SERINC5: variants seen among roughly 807,000 people sequenced by gnomAD.
The protein encoded by SERINC5 is serine incorporator 5.
Under a neutral mutation model 63.1 loss-of-function variants are expected in SERINC5, and 41 were observed. That is an observed-to-expected ratio of 0.65 (90% CI 0.51 to 0.84). The LOEUF is 0.84. Among genes scored for constraint, SERINC5 ranks in the 40% least tolerant of loss-of-function variants. SERINC5 has a pLI of 0.00. For synonymous variants in SERINC5, 222 were observed against 215.2 expected (o/e 1.03, Z -0.28); for missense variants, 523 against 573.0 (o/e 0.91, Z 0.89).
intron 2 of SERINC5, among the ~76,000 whole-genome samples, chr5:80,188,330 A>G (rs573868417): frequency 5.9e-5 from 9 of 151,652 alleles, no homozygotes; most frequent in Non-Finnish European, 1.2e-4. Flanking sequence ...ATTATTCTCA[A>G]TTTTATTTGC....
chr5:80,224,063 G>A (rs1751048914), intron 1 of SERINC5, among the ~76,000 whole-genome samples: 1 of 146,986 alleles, frequency 6.8e-6, no homozygotes, highest in South Asian at 2.1e-4. Flanking sequence ...AACCTGGGAG[G>A]CAGAGGTTGC....
chr5:80,220,140 G>A (rs565510042), intron 1 of SERINC5, among the ~76,000 whole-genome samples: 13 of 152,128 alleles, frequency 8.5e-5, no homozygotes, highest in South Asian at 8.3e-4. Context: ...ACTCAGAGGC[G>A]GAGGTTGCAG....
In SERINC5 at chr5:80,197,308, T is replaced by TGA. The variant is rs34195156; in HGVS notation, c.195+5576_195+5577dup. On this transcript the variant is annotated intron_variant, in intron 2 of 11. Transcript: ENST00000507668. ...GAGAGACAGAGCAAGACTCCATCTG[T>TGA]GAGAGAGAGAGAGAGAGAGAGAGAG... Among the ~76,000 whole-genome samples, 955 of 136,434 alleles carry TGA rather than the reference T, an allele frequency of 7.0e-3. 2 individuals are homozygous for TGA. Among genetic ancestry groups the TGA allele is most frequent in the African/African-American group, 0.012 (442 of 36,340 alleles). The allele number at this position is 136,434 out of a possible 152,430, so 89.5% of individuals were successfully genotyped here.
intron 2 of SERINC5, among the ~76,000 whole-genome samples, chr5:80,184,062 G>C (rs538887050): frequency 6.6e-6 from 1 of 152,272 alleles, no homozygotes; most frequent in Non-Finnish European, 1.5e-5. Flanking sequence ...GAATGTTTCA[G>C]AGAGTCTAAC....
At chr5:80,148,590 C>A (rs1324777400) in intron 9 of SERINC5, among the ~76,000 whole-genome samples, 2 of 151,896 alleles carry the variant, frequency 1.3e-5, no homozygotes, top group Non-Finnish European at 2.9e-5. Context: ...ACTGCTTAAG[C>A]CCATGAGTTT....
intron 2 of SERINC5, among the ~76,000 whole-genome samples, chr5:80,194,241 A>G (rs987315167): frequency 2.6e-5 from 4 of 151,794 alleles, no homozygotes; most frequent in East Asian, 3.8e-4. Flanking sequence ...TTGTTCTGAC[A>G]CAAAAGCATA....
chr5:80,164,331 G>GT (rs926539176), intron 7 of SERINC5, among the ~76,000 whole-genome samples: 3 of 138,028 alleles, frequency 2.2e-5, no homozygotes, highest in Non-Finnish European at 3.1e-5. Flanking sequence ...GTTCTCATGG[G>GT]TTTTTTTGGG....
intron 2 of SERINC5, among the ~76,000 whole-genome samples, chr5:80,200,426 C>T (rs1478612752): frequency 1.4e-4 from 21 of 151,078 alleles, no homozygotes; most frequent in Non-Finnish European, 2.9e-4. Context: ...GCAGAGCTTG[C>T]AGTGAGCCGA....
chr5:80,162,085 A>G (rs1038781978), intron 7 of SERINC5, among the ~76,000 whole-genome samples: 4 of 152,200 alleles, frequency 2.6e-5, no homozygotes, highest in Middle Eastern at 3.2e-3. Context: ...TACAAATATC[A>G]TGCTGTTTTG....
rs548223166 is a variant in SERINC5, at chr5:80,237,550, G to T, written c.27+18346C>A. Among the ~76,000 whole-genome samples the T allele has an allele frequency of 3.3e-5, 5 of 151,130 alleles. No individual in the cohort carries two copies. In the East Asian group the frequency reaches 1.0e-3, roughly 30 times the overall value. ...GGGTTTCACTATGTTGCCCAGGCTG[G>T]TATCGAATTCTTGGGCTCAAGTAAT... On this transcript the variant is annotated intron_variant, in intron 1 of 11. Coordinates refer to ENST00000507668, the MANE Select transcript of SERINC5 (RefSeq NM_001174072.3).
chr5:80,242,780 G>A (rs111789063), intron 1 of SERINC5, among the ~76,000 whole-genome samples: 19,211 of 151,842 alleles, frequency 0.13, 1,327 homozygotes, highest in Middle Eastern at 0.2. Context: ...AAAAGTAACC[G>A]GGCGTGGTGA....
Position 80,138,849 on chromosome 5 carries a change from C to G in SERINC5, c.*4814G>C, listed in dbSNP as rs1204241643. ...CTCTGCAAAACAACTAACTTGAGTA[C>G]TTTAATTATATATGTATCTAGCAGA... is the stretch of plus-strand genomic sequence containing the variant. On this transcript the variant is annotated 3_prime_UTR_variant, in exon 12 of 12. Coordinates refer to ENST00000507668, the MANE Select transcript of SERINC5 (RefSeq NM_001174072.3). The G allele has an allele frequency of 5.1e-6, 5 of 981,784 alleles. No homozygotes were observed. Among genetic ancestry groups the G allele is most frequent in the Non-Finnish European group, 6.0e-6 (5 of 826,838 alleles). The allele number at this position is 981,784 out of a possible 1,614,324, so 60.8% of individuals were successfully genotyped here.
In SERINC5 at chr5:80,229,640, G is replaced by A. The variant is rs536228484; in HGVS notation, c.27+26256C>T. On this transcript the variant is annotated intron_variant, in intron 1 of 11. Transcript: ENST00000507668. ...TTACAGGAACTAATTAAAAAGAAAA[G>A]GAAAAAACAAAACACAGACCTGTTC... Among the ~76,000 whole-genome samples, 649 of 105,764 alleles carry A rather than the reference G, an allele frequency of 6.1e-3. 5 individuals carry two copies. Among genetic ancestry groups the A allele is most frequent in the Non-Finnish European group, 5.7e-3 (308 of 54,200 alleles). 69.4% of individuals were successfully genotyped at this position (105,764 alleles called of 152,430 possible).
At chr5:80,153,484 T>C (rs908049098) in intron 8 of SERINC5, among the ~76,000 whole-genome samples, 1 of 151,290 alleles carries the variant, frequency 6.6e-6, no homozygotes, top group African/African-American at 2.4e-5. Context: ...GTTTTTTTTT[T>C]ATAAGCTCTT....
intron 1 of SERINC5, among the ~76,000 whole-genome samples, chr5:80,249,711 A>G (rs2112612571): frequency 6.6e-6 from 1 of 152,192 alleles, no homozygotes; most frequent in African/African-American, 2.4e-5. Flanking sequence ...CTGAGGCAGG[A>G]GAACTGCTTG....
chr5:80,199,619 T>C (rs1749708419), intron 2 of SERINC5, among the ~76,000 whole-genome samples: 1 of 152,214 alleles, frequency 6.6e-6, no homozygotes, highest in Admixed American at 6.5e-5. Context: ...GTGTGAATAT[T>C]ATCATTATGA....
intron 7 of SERINC5, among the ~76,000 whole-genome samples, chr5:80,166,065 G>A (rs566577034): frequency 6.6e-6 from 1 of 152,120 alleles, no homozygotes; most frequent in Admixed American, 6.5e-5. Flanking sequence ...TCTAAAATGG[G>A]GTACCCATCC....
chr5:80,240,971 G>A (rs1485689514), intron 1 of SERINC5, among the ~76,000 whole-genome samples: 1 of 152,132 alleles, frequency 6.6e-6, no homozygotes, highest in Non-Finnish European at 1.5e-5. Flanking sequence ...ACTGTGCTCG[G>A]CCGTGTATTT....
chr5:80,163,635 T>C (rs1170487226), intron 7 of SERINC5, among the ~76,000 whole-genome samples: 1 of 152,156 alleles, frequency 6.6e-6, no homozygotes, highest in Non-Finnish European at 1.5e-5. Flanking sequence ...TATCTTTAAT[T>C]CTGTTTATGT....
Sources: gnomAD v4.1 joint callset for allele counts (sites outside exome capture counted in the v4.1 genomes callset) on GRCh38, gnomAD v4.1.1 for gene constraint, MANE v1.5 for transcripts, NCBI Gene and HGNC (gene_info 2026-07-23, HGNC 2026-07-21) for gene names.